KCNN2: variants seen among roughly 807,000 people sequenced by gnomAD.
KCNN2 encodes small conductance calcium-activated potassium channel protein 2.
A neutral mutation model predicts 55.5 loss-of-function variants in KCNN2; 24 were observed. The observed-to-expected ratio is 0.43, with a 90% CI of 0.31 to 0.61. KCNN2 has a LOEUF of 0.61. Ranked by LOEUF, KCNN2 falls within the 20% of genes least tolerant of loss-of-function variation. KCNN2 has a pLI of 0.08. For synonymous variants in KCNN2, 431 were observed against 336.1 expected, an observed-to-expected ratio of 1.28 and a Z score of -3.09; for missense variants, 754 against 853.6, an observed-to-expected ratio of 0.88 and a Z score of 1.45.
chr5:114,166,064 T>C (rs1752904915), intron 1 of KCNN2, among the ~76,000 whole-genome samples: 2 of 152,108 alleles, frequency 1.3e-5, no homozygotes, highest in Non-Finnish European at 2.9e-5. Context: ...TTTTTTATTA[T>C]TATTTTTAGT....
At chr5:114,098,256 T>G (rs1035422232) in intron 1 of KCNN2, among the ~76,000 whole-genome samples, 1 of 152,120 alleles carries the variant, frequency 6.6e-6, no homozygotes, top group Non-Finnish European at 1.5e-5. Flanking sequence ...GCAAAGTCCC[T>G]TTTACCATGT....
intron 3 of KCNN2, among the ~76,000 whole-genome samples, chr5:114,417,252 G>A (rs536815087): frequency 7.9e-5 from 12 of 152,300 alleles, no homozygotes; most frequent in Non-Finnish European, 1.6e-4. Flanking sequence ...ATTTAATGGT[G>A]ACCAGCCCTT....
At chr5:114,386,728 G>GA (rs1758300775) in intron 2 of KCNN2, among the ~76,000 whole-genome samples, 1 of 152,174 alleles carries the variant, frequency 6.6e-6, no homozygotes, top group Non-Finnish European at 1.5e-5. Flanking sequence ...GGAATATAAG[G>GA]AGGGGCAAGG....
intron 2 of KCNN2, among the ~76,000 whole-genome samples, chr5:114,396,994 C>A (rs1758639442): frequency 6.6e-6 from 1 of 152,124 alleles, no homozygotes; most frequent in African/African-American, 2.4e-5. Flanking sequence ...TCTATTCCTG[C>A]ATTGGTTCAC....
chr5:114,164,937 C>T (rs1380097067), intron 1 of KCNN2, among the ~76,000 whole-genome samples: 1 of 152,096 alleles, frequency 6.6e-6, no homozygotes, highest in Admixed American at 6.6e-5. Context: ...TAATAATTAA[C>T]TTAACGTTCC....
At chr5:114,190,578 A>G (rs988076757) in intron 1 of KCNN2, among the ~76,000 whole-genome samples, 5 of 152,148 alleles carry the variant, frequency 3.3e-5, no homozygotes, top group African/African-American at 1.2e-4. Context: ...AACATTTTAA[A>G]CAATATATAG....
At chr5:114,159,494 G>A (rs541692225) in intron 1 of KCNN2, among the ~76,000 whole-genome samples, 3 of 152,122 alleles carry the variant, frequency 2.0e-5, no homozygotes, top group Non-Finnish European at 4.4e-5. Flanking sequence ...CCAGGCTTTG[G>A]TATCAGGATG....
At chr5:114,495,770 C>CAGTT (rs1465476808) in intron 7 of KCNN2, 125 bp from the exon 8 acceptor site, 1 of 804,914 alleles carries the variant, frequency 1.2e-6, no homozygotes, top group Non-Finnish European at 2.1e-6. Context: ...ATGAGCTGTT[C>CAGTT]AGTTAGCTGA....
At chr5:114,116,755 T>C (rs1356570314) in intron 1 of KCNN2, among the ~76,000 whole-genome samples, 2 of 152,198 alleles carry the variant, frequency 1.3e-5, no homozygotes, top group African/African-American at 4.8e-5. Context: ...CATCATCCAT[T>C]TTTGATTCTC....
chr5:114,172,857 C>G (rs1415469260), intron 1 of KCNN2, among the ~76,000 whole-genome samples: 2 of 151,604 alleles, frequency 1.3e-5, no homozygotes, highest in Non-Finnish European at 2.9e-5. Context: ...GGGCAGTTTG[C>G]AAATATTTTA....
chr5:114,093,919 T>C (rs1751201378), intron 1 of KCNN2, among the ~76,000 whole-genome samples: 1 of 152,150 alleles, frequency 6.6e-6, no homozygotes, highest in African/African-American at 2.4e-5. Context: ...GTTACAGATA[T>C]TCTCACCTCA....
intron 3 of KCNN2, among the ~76,000 whole-genome samples, chr5:114,426,230 T>G (rs1251287745): frequency 6.6e-6 from 1 of 152,192 alleles, no homozygotes; most frequent in African/African-American, 2.4e-5. Flanking sequence ...CCAATTATAT[T>G]TTGAACAAAT....
chr5:114,241,294 A>G (rs1401326807), intron 2 of KCNN2, among the ~76,000 whole-genome samples: 1 of 151,960 alleles, frequency 6.6e-6, no homozygotes, highest in Non-Finnish European at 1.5e-5. Flanking sequence ...TGGAATAGGT[A>G]AAATTCATTT....
intron 2 of KCNN2, among the ~76,000 whole-genome samples, chr5:114,388,616 C>A (rs1758355816): frequency 6.6e-6 from 1 of 151,940 alleles, no homozygotes; most frequent in African/African-American, 2.4e-5. Context: ...TCTTTAGCTC[C>A]TTCTTTCTGG....
At chr5:114,172,170 A>G (rs1441723125) in intron 1 of KCNN2, among the ~76,000 whole-genome samples, 1 of 151,894 alleles carries the variant, frequency 6.6e-6, no homozygotes, top group East Asian at 1.9e-4. Flanking sequence ...TTTCATCCCA[A>G]CCTACCAGTT....
At chr5:114,402,591 G>C (rs1758816415) in intron 2 of KCNN2, among the ~76,000 whole-genome samples, 1 of 152,204 alleles carries the variant, frequency 6.6e-6, no homozygotes, top group African/African-American at 2.4e-5. Flanking sequence ...GGGTGTGGCT[G>C]TAGGTAAGAT....
rs185241737 is a variant in KCNN2, at chr5:114,106,128, A to T, written c.-271+49628A>T. ...AGCATTTTGAAGTGAACATTTATGTACCCAAAATCTGGTTTCTACCATTAG... is the reference window on the plus strand; with the variant it reads ...AGCATTTTGAAGTGAACATTTATGTTCCCAAAATCTGGTTTCTACCATTAG... On this transcript the variant is annotated intron_variant, in intron 1 of 10. Transcript: ENST00000512097. 5.3e-5 allele frequency among the ~76,000 whole-genome samples: 8 copies of T among 151,954 alleles called. No individual in the cohort carries two copies. In the East Asian group the frequency reaches 1.6e-3, roughly 29 times the overall value.
At chr5:114,396,923 C>T (rs946769360) in intron 2 of KCNN2, among the ~76,000 whole-genome samples, 1 of 152,086 alleles carries the variant, frequency 6.6e-6, no homozygotes, top group African/African-American at 2.4e-5. Context: ...TCCTTCTTTG[C>T]GTCCATGTGT....
intron 1 of KCNN2, among the ~76,000 whole-genome samples, chr5:114,200,210 T>A (rs932585119): frequency 3.3e-5 from 5 of 152,146 alleles, no homozygotes; most frequent in South Asian, 2.1e-4. Context: ...ACTTTTTTTT[T>A]ATTTTTGTCT....
Sources: allele counts gnomAD v4.1 joint callset (sites outside exome capture counted in the v4.1 genomes callset), GRCh38; gene constraint gnomAD v4.1.1; transcripts MANE v1.5; gene names NCBI Gene and HGNC (gene_info 2026-07-23, HGNC 2026-07-21).